Variants in CHD6 observed in about 807,000 individuals in gnomAD.
CHD6 encodes ATP-dependent chromatin remodeler CHD6.
Under a neutral mutation model 276.9 loss-of-function variants are expected in CHD6, and 50 were observed. The observed-to-expected ratio is 0.18, with a 90% CI of 0.14 to 0.23. CHD6 has a LOEUF of 0.23. CHD6 is among the 10% of genes least tolerant of loss of function. CHD6 has a pLI of 1.00. For synonymous variants in CHD6, 1,173 were observed against 1,229.3 expected (o/e 0.95, Z 0.96); for missense variants, 2,564 against 3,365.8 (o/e 0.76, Z 5.89).
intron 17 of CHD6, among the ~76,000 whole-genome samples, chr20:41,461,088 C>T (rs1196918184): frequency 6.6e-6 from 1 of 152,182 alleles, no homozygotes; most frequent in Non-Finnish European, 1.5e-5. Context: ...CTTCCATGGG[C>T]CCCCTTTGTT....
rs889951447 is a variant in CHD6 at position 41,452,713 on chromosome 20, A to G, written c.3323+27T>C. 6.3e-6 allele frequency: 10 copies of G among 1,598,460 alleles called. No individual in the cohort carries two copies. The African/African-American group carries it at 1.4e-4, about 22-fold the overall frequency. ...CAGAGGGGAACAAACAACAATAACA[A>G]CAAAACTAAGCAGAGCCAATACCCA... On this transcript the variant is annotated intron_variant, in intron 21 of 36. Transcript: ENST00000373233. This position sits in a 1 kb window ranked among gnomAD's most constrained non-coding sequence, Gnocchi z 4.2.
At chr20:41,560,821 A>G (rs1454777233) in intron 1 of CHD6, among the ~76,000 whole-genome samples, 3 of 151,528 alleles carry the variant, frequency 2.0e-5, no homozygotes, top group Admixed American at 2.0e-4. Context: ...CAATAGAAAT[A>G]TAAAGCCTAA....
intron 17 of CHD6, among the ~76,000 whole-genome samples, chr20:41,467,377 T>C (rs774631198): frequency 5.9e-5 from 9 of 151,774 alleles, no homozygotes; most frequent in Non-Finnish European, 1.3e-4. Flanking sequence ...TCAGCAAAGG[T>C]ATACATATAA....
At chr20:41,551,224 C>T in intron 2 of CHD6, 81 bp downstream of exon 2, 1 of 900,452 alleles carries the variant, frequency 1.1e-6, no homozygotes, top group Non-Finnish European at 1.8e-6. Flanking sequence ...AGGGATAAGC[C>T]AACACTGCCA....
chr20:41,581,015 A>T (rs987100067), intron 1 of CHD6, among the ~76,000 whole-genome samples: 1 of 152,218 alleles, frequency 6.6e-6, no homozygotes, highest in African/African-American at 2.4e-5. Flanking sequence ...TTAATACAGA[A>T]GTAGTAGTTA....
intron 29 of CHD6, among the ~76,000 whole-genome samples, chr20:41,424,521 G>C (rs2047300184): frequency 6.6e-6 from 1 of 152,156 alleles, no homozygotes; most frequent in African/African-American, 2.4e-5. Flanking sequence ...TATATTCCTT[G>C]AACTATCGAA....
chr20:41,481,120 A>ATAT (rs1053646630), intron 16 of CHD6, among the ~76,000 whole-genome samples: 2 of 150,108 alleles, frequency 1.3e-5, no homozygotes, highest in African/African-American at 4.9e-5. Flanking sequence ...AAGAAAAAAA[A>ATAT]ATATATATAT....
chr20:41,592,419 C>T (rs1343301234), intron 1 of CHD6, among the ~76,000 whole-genome samples: 2 of 152,044 alleles, frequency 1.3e-5, no homozygotes, highest in Non-Finnish European at 2.9e-5. Flanking sequence ...CTGTCTTAAA[C>T]GAGAGTCTTT....
chr20:41,511,780 T>C (rs1388650254), intron 5 of CHD6, among the ~76,000 whole-genome samples: 1 of 152,184 alleles, frequency 6.6e-6, no homozygotes, highest in Non-Finnish European at 1.5e-5. Flanking sequence ...GTTGGAAATG[T>C]TCCTCCTAAG....
chr20:41,429,936 C>A (rs1462024144), intron 27 of CHD6, among the ~76,000 whole-genome samples: 4 of 152,176 alleles, frequency 2.6e-5, no homozygotes, highest in Admixed American at 6.5e-5. Flanking sequence ...CCTTTCTATG[C>A]CTAGGTCTGT....
intron 16 of CHD6, among the ~76,000 whole-genome samples, chr20:41,476,303 G>A (rs2043166366): frequency 6.6e-6 from 1 of 152,012 alleles, no homozygotes; most frequent in Admixed American, 6.6e-5. Flanking sequence ...GTAATTCTGA[G>A]TCACTATCAA....
intron 25 of CHD6, among the ~76,000 whole-genome samples, chr20:41,442,875 T>G (rs2047942264): frequency 1.3e-5 from 2 of 152,202 alleles, no homozygotes; most frequent in Non-Finnish European, 2.9e-5. Context: ...TCCAACCTCA[T>G]CTAAGTTGAC....
At chr20:41,483,181 A>T in intron 16 of CHD6, 128 bp downstream of exon 16, 1 of 794,902 alleles carries the variant, frequency 1.3e-6, no homozygotes, top group Non-Finnish European at 1.9e-6. Flanking sequence ...GTCTATCTTT[A>T]AAAGGAGATT....
intron 16 of CHD6, among the ~76,000 whole-genome samples, chr20:41,476,054 T>C (rs866596288): frequency 2.6e-4 from 40 of 152,242 alleles, no homozygotes; most frequent in African/African-American, 9.6e-4. Flanking sequence ...AGCCAGATCC[T>C]CTGGCCATGC....
chr20:41,486,931 AT>A (rs2043428679), intron 14 of CHD6, among the ~76,000 whole-genome samples: 1 of 152,038 alleles, frequency 6.6e-6, no homozygotes, highest in Admixed American at 6.6e-5. Context: ...GCATTTTCAA[AT>A]TGTACTCTCT....
intron 27 of CHD6, among the ~76,000 whole-genome samples, chr20:41,434,444 C>T (rs890391842): frequency 2.0e-5 from 3 of 152,294 alleles, no homozygotes; most frequent in Admixed American, 6.5e-5. Context: ...GATCATGGCT[C>T]GCTGCAACCT....
intron 2 of CHD6, among the ~76,000 whole-genome samples, chr20:41,537,533 G>T (rs1032995430): frequency 6.6e-6 from 1 of 152,120 alleles, no homozygotes; most frequent in Non-Finnish European, 1.5e-5. Context: ...CCCCATGGAC[G>T]CTGAGGAAGA....
intron 1 of CHD6, among the ~76,000 whole-genome samples, chr20:41,605,128 G>A (rs2045814559): frequency 6.6e-6 from 1 of 151,926 alleles, no homozygotes; most frequent in Non-Finnish European, 1.5e-5. Flanking sequence ...CTCTCAAATG[G>A]TATTGTCACA....
rs151303074 is a variant in CHD6, at chr20:41,415,297, G to A, written c.6828C>T (p.Ser2276=). ...HPVTGQIVNG[S]LRRDDAATRR... is the part of the protein sequence containing the mutation. ...TCGTGGCTGCATCATCTCTTCTGAGGCTTCCATTGACAATCTGTCCAGTCA... is the reference window on the plus strand; with the variant it reads ...TCGTGGCTGCATCATCTCTTCTGAGACTTCCATTGACAATCTGTCCAGTCA... The change falls in exon 34 of 37, where the codon AGC becomes AGT. Residue 2276 remains serine, a synonymous_variant. Coordinates refer to ENST00000373233, the MANE Select transcript of CHD6 (RefSeq NM_032221.5). 2.7e-5 allele frequency: 44 copies of A among 1,614,028 alleles called. No homozygotes were observed. The highest frequency in any genetic ancestry group is 3.7e-5 in the Non-Finnish European group (44 of 1,180,030).
Sources: allele counts gnomAD v4.1 joint callset (sites outside exome capture counted in the v4.1 genomes callset), GRCh38; gene constraint gnomAD v4.1.1; non-coding constraint Gnocchi (gnomAD v3.1); transcripts MANE v1.5; gene names NCBI Gene and HGNC (gene_info 2026-07-23, HGNC 2026-07-21).